The following WDFY3 variants were observed in gnomAD, a reference collection of about 807,000 sequenced individuals.
WDFY3 encodes WD repeat and FYVE domain-containing protein 3.
Under a neutral mutation model 409.6 loss-of-function variants are expected in WDFY3, and 66 were observed. The observed-to-expected ratio is 0.16, with a 90% CI of 0.13 to 0.20. WDFY3 has a LOEUF of 0.20. Among genes scored for constraint, WDFY3 ranks in the 10% least tolerant of loss-of-function variants. The pLI is 1.00. For missense variants in WDFY3, 3,031 were observed against 4,298.1 expected (o/e 0.71, Z 8.24); for synonymous variants, 1,521 against 1,537.1 (o/e 0.99, Z 0.25).
intron 3 of WDFY3, among the ~76,000 whole-genome samples, chr4:84,861,864 G>A (rs1342491225): frequency 6.6e-6 from 1 of 152,186 alleles, no homozygotes; most frequent in Non-Finnish European, 1.5e-5. Context: ...AATTGGCTAA[G>A]TGTAGACACA....
At chr4:84,792,220 G>A (rs893968733) in intron 21 of WDFY3, among the ~76,000 whole-genome samples, 1 of 152,168 alleles carries the variant, frequency 6.6e-6, no homozygotes, top group Non-Finnish European at 1.5e-5. Flanking sequence ...CAGAATATAT[G>A]TCTGTTGATA....
At position 84,837,876 on chromosome 4, in the gene WDFY3, C is replaced by A. The variant is rs139092284; in HGVS notation, c.415-786G>T. The stretch of plus-strand genomic sequence containing the variant: ...GGAATGTCAGGCTGTGTGCTGGGAG[C>A]TGGGCATGCAAAGACGAAGCATCTC... On this transcript the variant is annotated intron_variant, in intron 6 of 67. Coordinates refer to ENST00000295888, the MANE Select transcript of WDFY3 (RefSeq NM_014991.6). Among the ~76,000 whole-genome samples, 9 of 152,196 alleles carry A rather than the reference C, an allele frequency of 5.9e-5. No individual in the cohort carries two copies. The East Asian group carries it at 1.7e-3, about 29-fold the overall frequency.
At chr4:84,809,702 T>TAAAAAA in intron 14 of WDFY3, 185 bp downstream of exon 14, 2 of 410,266 alleles carry the variant, frequency 4.9e-6, no homozygotes, top group Non-Finnish European at 8.1e-6. Context: ...GCTTCCATGC[T>TAAAAAA]AAAAAAAAAA....
chr4:84,704,161 A>C (rs1217238257), intron 55 of WDFY3, among the ~76,000 whole-genome samples, 177 bp downstream of exon 55: 1 of 152,176 alleles, frequency 6.6e-6, no homozygotes, highest in East Asian at 1.9e-4. Flanking sequence ...TTCTAAGCGA[A>C]TTCTAGTTCA....
intron 1 of WDFY3, among the ~76,000 whole-genome samples, chr4:84,935,677 C>T (rs373642990): frequency 3.3e-5 from 5 of 152,218 alleles, no homozygotes; most frequent in East Asian, 3.9e-4. Flanking sequence ...AAATAGCAGG[C>T]GGCCAGAAAA....
At chr4:84,825,165 T>C (rs1754670183) in intron 10 of WDFY3, among the ~76,000 whole-genome samples, 1 of 152,124 alleles carries the variant, frequency 6.6e-6, no homozygotes, top group Non-Finnish European at 1.5e-5. Flanking sequence ...TGCTGCATTA[T>C]TACAAAATTA....
chr4:84,739,777 A>G (rs1425336144), intron 39 of WDFY3, among the ~76,000 whole-genome samples: 1 of 152,192 alleles, frequency 6.6e-6, no homozygotes, highest in Non-Finnish European at 1.5e-5. Flanking sequence ...CCCAGCCCCT[A>G]ATTCAATGCT....
intron 3 of WDFY3, among the ~76,000 whole-genome samples, chr4:84,867,568 G>A (rs1560961185): frequency 6.6e-6 from 1 of 152,176 alleles, no homozygotes; most frequent in Non-Finnish European, 1.5e-5. Flanking sequence ...TGCAAACCCA[G>A]ATAGTATTTC....
intron 22 of WDFY3, among the ~76,000 whole-genome samples, chr4:84,788,839 G>A (rs976847401): frequency 6.6e-6 from 1 of 152,102 alleles, no homozygotes; most frequent in Non-Finnish European, 1.5e-5. Context: ...GGCCAACATG[G>A]TGAAACCCCA....
At chr4:84,877,137 T>C (rs1762898130) in intron 3 of WDFY3, among the ~76,000 whole-genome samples, 3 of 152,324 alleles carry the variant, frequency 2.0e-5, no homozygotes, top group East Asian at 1.9e-4. Context: ...CTTTATTATC[T>C]AGCCCCTGCA....
intron 36 of WDFY3, among the ~76,000 whole-genome samples, chr4:84,750,187 C>G (rs2149287676): frequency 6.6e-6 from 1 of 152,184 alleles, no homozygotes; most frequent in African/African-American, 2.4e-5. Context: ...CAGTAAGATA[C>G]TGGTCATCTC....
Position 84,715,666 on chromosome 4 carries a change from T to C in WDFY3, c.7876-283A>G, listed in dbSNP as rs546700983. Among the ~76,000 whole-genome samples the C allele has an allele frequency of 6.7e-5, 10 of 150,144 alleles. No individual in the cohort carries two copies. The South Asian group carries it at 1.7e-3, about 25-fold the overall frequency. On this transcript the variant is annotated intron_variant, in intron 49 of 67. Coordinates refer to ENST00000295888, the MANE Select transcript of WDFY3 (RefSeq NM_014991.6). ...GGCGGGTACCTGTAGTCCCAGCTAC[T>C]CGGGAGGCTGAGGCAGGAGAATGGC...
rs549077540 is a variant in WDFY3 at position 84,719,194 on chromosome 4, C to T, written c.7606-624G>A. On this transcript the variant is annotated intron_variant, in intron 47 of 67. Coordinates refer to ENST00000295888, the MANE Select transcript of WDFY3 (RefSeq NM_014991.6). ...AGTTTACCTTCTTTTTCCATCATAC[C>T]CCCTGGAAATGGAACTGTAGAATTT... is the stretch of plus-strand genomic sequence containing the variant. 2.0e-5 allele frequency among the ~76,000 whole-genome samples: 3 copies of T among 152,176 alleles called. No homozygotes were observed. The South Asian group carries it at 6.2e-4, about 32-fold the overall frequency.
At position 84,809,903 on chromosome 4, in the gene WDFY3, T is replaced by C. The variant is rs772118542; in HGVS notation, c.2329A>G (p.Thr777Ala). 6.2e-7 allele frequency: 1 copy of C among 1,614,026 alleles called. No homozygotes were observed. Among genetic ancestry groups the C allele is most frequent in the Non-Finnish European group, 8.5e-7 (1 of 1,179,942 alleles). ...GAGCCATACCTGTCAAAAGAATCTG[T>C]GGCTACTTTGTAAAGATAAATAAAA... ...KLFIYLYKVA[T>A]DSFDSRAEQI... The change falls in exon 14 of 68, where the codon ACA becomes GCA. Residue 777 changes from threonine to alanine, a missense_variant. By Grantham distance (58) the Thr-to-Ala change is moderately conservative (BLOSUM62 0). Around this residue, in one of 16 missense-constraint regions of WDFY3, gnomAD observed 1,322 missense variants for 1,697.9 expected, o/e 0.78. Coordinates refer to ENST00000295888, the MANE Select transcript of WDFY3 (RefSeq NM_014991.6).
intron 19 of WDFY3, among the ~76,000 whole-genome samples, chr4:84,795,819 T>C (rs1053568157): frequency 5.3e-5 from 8 of 152,116 alleles, no homozygotes; most frequent in African/African-American, 1.9e-4. Flanking sequence ...ACCAGATCTA[T>C]TAGCATTTGT....
rs754618564 is a variant in WDFY3 at position 84,809,689 on chromosome 4, C to T, written c.2345+198G>A. On this transcript the variant is annotated intron_variant, in intron 14 of 67. Coordinates refer to ENST00000295888, the MANE Select transcript of WDFY3 (RefSeq NM_014991.6). ...TGAACCTGAATTTACAAATAGTACA[C>T]AGGCTTCCATGCTAAAAAAAAAAAA... 438 of 511,328 alleles carry T rather than the reference C, an allele frequency of 8.6e-4. 5 individuals carry two copies. The highest frequency in any genetic ancestry group is 1.7e-4 in the Non-Finnish European group (50 of 297,988). The allele number at this position is 511,328 out of a possible 1,614,324, so 31.7% of individuals were successfully genotyped here.
At chr4:84,876,769 T>C (rs191084864) in intron 3 of WDFY3, among the ~76,000 whole-genome samples, 1 of 152,262 alleles carries the variant, frequency 6.6e-6, no homozygotes, top group East Asian at 1.9e-4. Context: ...GTTCTGGGTG[T>C]GTATTTTACT....
chr4:84,812,600 C>T (rs1752683831), intron 13 of WDFY3, among the ~76,000 whole-genome samples: 1 of 152,096 alleles, frequency 6.6e-6, no homozygotes, highest in African/African-American at 2.4e-5. Flanking sequence ...TTTTCAAAAA[C>T]ATACTGGGAG....
chr4:84,842,794 A>G (rs1411794321), intron 5 of WDFY3, among the ~76,000 whole-genome samples: 1 of 152,230 alleles, frequency 6.6e-6, no homozygotes, highest in Non-Finnish European at 1.5e-5. Context: ...AACAAAACAA[A>G]ACAAAAAACT....
Sources: gnomAD v4.1 joint callset for allele counts (sites outside exome capture counted in the v4.1 genomes callset) on GRCh38, gnomAD v4.1.1 for gene constraint, gnomAD v4.1.1 regional missense constraint, MANE v1.5 for transcripts, NCBI Gene and HGNC (gene_info 2026-07-23, HGNC 2026-07-21) for gene names.